Variants in UBTF observed in about 807,000 individuals in gnomAD.
UBTF encodes the protein nucleolar transcription factor 1.
A neutral mutation model predicts 112.3 loss-of-function variants in UBTF; 8 were observed. The observed-to-expected ratio is 0.07, with a 90% CI of 0.04 to 0.13. The LOEUF (loss-of-function observed/expected upper bound fraction) is 0.13, where lower values mean the gene tolerates loss of function less well. UBTF is among the 10% of genes least tolerant of loss of function. The probability of loss-of-function intolerance (pLI) is 1.00; values close to 1 mark genes in which losing one functional copy is unlikely to be tolerated. For missense variants in UBTF, 457 were observed against 982.1 expected (o/e 0.47, Z 7.15); for synonymous variants, 417 against 373.1 (o/e 1.12, Z -1.36).
At chr17:44,215,418 G>A in intron 5 of UBTF, 1 of 543,254 alleles carries the variant, frequency 1.8e-6, no homozygotes, top group Non-Finnish European at 3.3e-6. Flanking sequence ...TCTGTAGGGG[G>A]AAAGGTTGGT....
At chr17:44,219,120 A>G (rs1598275346) in intron 1 of UBTF, 1 of 150,108 alleles carries the variant, frequency 6.7e-6, no homozygotes, top group East Asian at 2.0e-4. Flanking sequence ...AGCCGAGCCA[A>G]GGAGAGGGCG....
At chr17:44,208,092 ATTTTTTTTTTTTT>A (rs57107684) in intron 17 of UBTF, among the ~76,000 whole-genome samples, 181 bp from the exon 18 acceptor site, 26 of 118,006 alleles carry the variant, frequency 2.2e-4, no homozygotes, top group South Asian at 5.5e-4. Context: ...CACAGCTCTA[ATTTTTTTTTTTTT>A]TTTTTTTTTT....
At chr17:44,214,543 TGA>T (rs1183769883) in intron 5 of UBTF, among the ~76,000 whole-genome samples, 2 of 152,114 alleles carry the variant, frequency 1.3e-5, no homozygotes, top group Non-Finnish European at 2.9e-5. Flanking sequence ...TCCCATCCCA[TGA>T]GAGTGTTTGG....
chr17:44,214,809 T>C (rs2046766499), intron 5 of UBTF, among the ~76,000 whole-genome samples: 1 of 152,158 alleles, frequency 6.6e-6, no homozygotes, highest in African/African-American at 2.4e-5. Context: ...GCTTCTTGTC[T>C]TTCCTGCTGC....
Position 44,219,607 on chromosome 17 carries a change from C to G in UBTF, c.-230G>C, listed in dbSNP as rs1256235305. On this transcript the variant is annotated 5_prime_UTR_variant, in exon 1 of 21. Coordinates refer to ENST00000436088, the MANE Select transcript of UBTF (RefSeq NM_014233.4). ...GGCGGCGCTGGGGCGGCGGCTGCTGCTGCTGTGGCGGCGGCGGCGGCGGCG... is the reference window on the plus strand; with the variant it reads ...GGCGGCGCTGGGGCGGCGGCTGCTGGTGCTGTGGCGGCGGCGGCGGCGGCG... 1.0e-5 allele frequency: 1 copy of G among 99,524 alleles called. No individual in the cohort carries two copies. Among genetic ancestry groups the G allele is most frequent in the Non-Finnish European group, 1.8e-5 (1 of 55,556 alleles). 6.2% of individuals were successfully genotyped at this position (99,524 alleles called of 1,614,324 possible).
At chr17:44,213,684 G>GT (rs1444909730) in intron 5 of UBTF, among the ~76,000 whole-genome samples, 2 of 152,160 alleles carry the variant, frequency 1.3e-5, no homozygotes, top group Non-Finnish European at 2.9e-5. Flanking sequence ...TCTTCTCACT[G>GT]TCTGTGGCAG....
rs2056329706 is a variant in UBTF, at chr17:44,207,543, C to G, written c.2080G>C (p.Glu694Gln). The G allele has an allele frequency of 3.1e-6, 5 of 1,614,030 alleles. No individual in the cohort carries two copies. Among genetic ancestry groups the G allele is most frequent in the Non-Finnish European group, 3.4e-6 (4 of 1,180,030 alleles). ...GAGTCCCCATTCTCATCATCTTCCT[C>G]TTCTTCATCCTCGTCCTCGTCATCC... is the stretch of plus-strand genomic sequence containing the variant. ...DEDDEDEDEE[E>Q]EDDENGDSSE... Residue 694 changes from glutamate to glutamine, a missense_variant, in exon 20 of 21, where the codon GAG becomes CAG. Glu to Gln is a conservative substitution (Grantham distance 29, BLOSUM62 2). This residue lies in a region of UBTF where 139 missense variants were observed against 157.5 expected (regional missense o/e 0.88). Transcript: ENST00000436088.
intron 14 of UBTF, 27 bp downstream of exon 14, chr17:44,210,291 A>G (rs1429991878): frequency 1.2e-6 from 2 of 1,614,120 alleles, no homozygotes; most frequent in South Asian, 2.2e-5. Flanking sequence ...TAGAGGCTGC[A>G]GTACTACCCT....
chr17:44,210,571 T>C (rs1250950773), intron 13 of UBTF, 98 bp from the exon 14 acceptor site: 2 of 1,443,490 alleles, frequency 1.4e-6, no homozygotes, highest in African/African-American at 1.4e-5. Context: ...GGCAGAAGCA[T>C]GGGCTGGTGC....
rs1284220436 is a variant in UBTF at position 44,210,457 on chromosome 17, C to T, written c.1376G>A (p.Arg459Gln). The T allele has an allele frequency of 6.2e-7, 1 of 1,611,200 alleles. No homozygotes were observed. The highest frequency in any genetic ancestry group is 2.2e-5 in the East Asian group (1 of 44,860). ...CGACTGAGCCTTGAGCGCCGCCTCTCGGGCCTTGTACTTGGCCTGCGGGGA... is the reference window on the plus strand; with the variant it reads ...CGACTGAGCCTTGAGCGCCGCCTCTTGGGCCTTGTACTTGGCCTGCGGGGA... ...SEKKKAKYKA[R>Q]EAALKAQSER... Residue 459 changes from arginine to glutamine, a missense_variant, in exon 14 of 21, where the codon CGA becomes CAA. Physicochemically the swap from Arg to Gln is conservative, Grantham distance 43 (BLOSUM62 1). This residue lies in a region of UBTF where 108 missense variants were observed against 137.4 expected (regional missense o/e 0.79). Transcript: ENST00000436088.
intron 6 of UBTF, 25 bp from the exon 7 acceptor site, chr17:44,212,964 A>G: frequency 6.2e-7 from 1 of 1,612,870 alleles, no homozygotes; most frequent in Non-Finnish European, 8.5e-7. Context: ...GGGAGCAAGG[A>G]TCAGCAGGGG....
At position 44,207,581 on chromosome 17, in the gene UBTF, T is replaced by C. The variant is rs1286769360; in HGVS notation, c.2042A>G (p.Asp681Gly). 6.2e-7 allele frequency: 1 copy of C among 1,614,172 alleles called. No homozygotes were observed. Among genetic ancestry groups the C allele is most frequent in the South Asian group, 1.1e-5 (1 of 91,084 alleles). ...GTCCTCGTCATCCTCATCCTCTTCA[T>C]CATCCTCCTCGGACTCCTTGGAGGG... ...LQSKSESEED[D>G]EEDEDDEDED... Residue 681 changes from aspartate (D) to glycine (G), a missense_variant, in exon 20 of 21, where the codon GAT becomes GGT. Asp to Gly is a moderately conservative substitution (Grantham distance 94, BLOSUM62 -1). Coordinates refer to ENST00000436088, the MANE Select transcript of UBTF (RefSeq NM_014233.4).
At chr17:44,218,413 CT>C (rs1463270677) in intron 1 of UBTF, 117 bp from the exon 2 acceptor site, 5 of 618,398 alleles carry the variant, frequency 8.1e-6, no homozygotes, top group Non-Finnish European at 8.5e-6. Flanking sequence ...CAGCCATGAC[CT>C]TATTAGACTT....
upstream of UBTF, among the ~76,000 whole-genome samples, chr17:44,220,260 C>G (rs895757822): frequency 1.3e-5 from 2 of 151,898 alleles, no homozygotes. Context: ...CCGGAGGTGC[C>G]CCCGGCGTCC....
chr17:44,210,967 C>A lies in UBTF; in HGVS notation c.1204-20G>T. On this transcript the variant is annotated intron_variant, in intron 12 of 20. Coordinates refer to ENST00000436088, the MANE Select transcript of UBTF (RefSeq NM_014233.4). ...GCCGCCCTGTCCAGGTGCAGAGGGT[C>A]GGGGTCCGTGGGTGCTGCCAGGGAG... 6.2e-7 allele frequency: 1 copy of A among 1,601,700 alleles called. No individual in the cohort carries two copies. Among genetic ancestry groups the A allele is most frequent in the African/African-American group, 1.3e-5 (1 of 74,932 alleles).
chr17:44,218,004 C>T (rs1475970312), intron 2 of UBTF, among the ~76,000 whole-genome samples, 168 bp downstream of exon 2: 1 of 152,230 alleles, frequency 6.6e-6, no homozygotes, highest in Middle Eastern at 3.2e-3. Context: ...AATTTGGATT[C>T]AGCCAAACCC....
Position 44,210,962 on chromosome 17 carries a change from AG to A in UBTF, c.1204-16del. ...TCGGAGCCGCCCTGTCCAGGTGCAG[AG>A]GGTCGGGGTCCGTGGGTGCTGCCAG... On this transcript the variant is annotated splice_polypyrimidine_tract_variant and intron_variant, in intron 12 of 20. Coordinates refer to ENST00000436088, the MANE Select transcript of UBTF (RefSeq NM_014233.4). 1 of 1,602,778 alleles carries A rather than the reference AG, an allele frequency of 6.2e-7. No homozygotes were observed. Among genetic ancestry groups the A allele is most frequent in the Non-Finnish European group, 8.5e-7 (1 of 1,176,456 alleles).
rs1281093359 is a variant in UBTF at position 44,213,815 on chromosome 17, AT to A, written c.475-534del. ...GGGGAACCCAGAGCGAGTTCTTCCA[AT>A]ACAAGTCTCAGCCAGCTACCCTGCA... On this transcript the variant is annotated intron_variant, in intron 5 of 20. Transcript: ENST00000436088. Among the ~76,000 whole-genome samples the A allele has an allele frequency of 4.6e-5, 7 of 152,144 alleles. No homozygotes were observed. The East Asian group carries it at 1.4e-3, about 29-fold the overall frequency.
At chr17:44,218,380 G>A (rs562116487) in intron 1 of UBTF, 84 bp from the exon 2 acceptor site, 5 of 748,500 alleles carry the variant, frequency 6.7e-6, no homozygotes, top group African/African-American at 1.8e-5. Context: ...GTAGAAGGGG[G>A]CAGGTCCACA....
Sources: allele counts gnomAD v4.1 joint callset (sites outside exome capture counted in the v4.1 genomes callset), GRCh38; gene constraint gnomAD v4.1.1; regional missense constraint gnomAD v4.1.1; transcripts MANE v1.5; gene names NCBI Gene and HGNC (gene_info 2026-07-23, HGNC 2026-07-21).